The following CREB5 variants were observed in gnomAD, a reference collection of about 807,000 sequenced individuals.
CREB5 encodes the protein cyclic AMP-responsive element-binding protein 5.
CREB5 carries 19 observed loss-of-function variants against 57.1 expected under a neutral mutation model. The observed-to-expected ratio is 0.33, with a 90% CI of 0.23 to 0.49. The LOEUF (loss-of-function observed/expected upper bound fraction) is 0.49. CREB5 is among the 20% of genes least tolerant of loss of function. The pLI, the probability that CREB5 is intolerant of heterozygous loss-of-function variation, is 0.99. For missense variants in CREB5, 579 were observed against 671.6 expected (o/e 0.86, Z 1.52); for synonymous variants, 238 against 238.3 (o/e 1.00, Z 0.01).
upstream of CREB5, among the ~76,000 whole-genome samples, chr7:28,412,186 G>A (rs1248369838): frequency 1.3e-5 from 2 of 152,176 alleles, no homozygotes; most frequent in East Asian, 1.9e-4. Context: ...AGAATAATAA[G>A]CTCTATTAAC....
rs1554281277 is a variant in CREB5 at position 28,657,738 on chromosome 7, A to AAAAAAT, written c.465-61015_465-61014insAAAAAT. ...TCTCGAAAAAAAAAAAAAAAAAAAA[A>AAAAAAT]GAATAAAATTGCTCCAAAGCACTAT... On this transcript the variant is annotated intron_variant, in intron 5 of 10. Coordinates refer to ENST00000357727, the MANE Select transcript of CREB5 (RefSeq NM_182898.4). Among the ~76,000 whole-genome samples the AAAAAAT allele has an allele frequency of 1.0e-4, 14 of 139,884 alleles. 2 individuals are homozygous for AAAAAAT. The highest frequency in any genetic ancestry group is 1.6e-4 in the Non-Finnish European group (10 of 64,096). 91.8% of individuals were successfully genotyped at this position (139,884 alleles called of 152,430 possible).
intron 4 of CREB5, among the ~76,000 whole-genome samples, chr7:28,520,486 G>A (rs1198215181): frequency 2.0e-5 from 3 of 152,202 alleles, no homozygotes; most frequent in Non-Finnish European, 4.4e-5. Context: ...GCAACTCCCT[G>A]GCAGAGGTAA....
chr7:28,435,309 A>G (rs1376434291), intron 1 of CREB5, among the ~76,000 whole-genome samples: 1 of 150,590 alleles, frequency 6.6e-6, no homozygotes, highest in Non-Finnish European at 1.5e-5. Context: ...ATTCAGTGTC[A>G]TTTGGCAAGG....
At chr7:28,708,413 C>T (rs747856904) in intron 5 of CREB5, among the ~76,000 whole-genome samples, 2 of 152,042 alleles carry the variant, frequency 1.3e-5, no homozygotes, top group South Asian at 4.2e-4. Context: ...ATAATCCCAG[C>T]GAGTGGCTGG....
intron 5 of CREB5, among the ~76,000 whole-genome samples, chr7:28,610,749 G>A (rs982973860): frequency 6.6e-6 from 1 of 152,170 alleles, no homozygotes; most frequent in African/African-American, 2.4e-5. Context: ...ACAGTTCTGG[G>A]CCTGGAAGGT....
At chr7:28,557,159 C>T (rs1197970578) in intron 4 of CREB5, among the ~76,000 whole-genome samples, 2 of 129,714 alleles carry the variant, frequency 1.5e-5, no homozygotes, top group African/African-American at 2.7e-5. Context: ...CTACTGGGAT[C>T]CCAGATGTTA....
intron 1 of CREB5, among the ~76,000 whole-genome samples, chr7:28,428,626 C>T (rs1043630051): frequency 7.9e-5 from 12 of 152,238 alleles, no homozygotes; most frequent in Non-Finnish European, 1.2e-4. Flanking sequence ...ATGGGGAAGA[C>T]GGCAGGTAGA....
intron 1 of CREB5, among the ~76,000 whole-genome samples, chr7:28,421,276 G>A (rs916946150): frequency 6.6e-6 from 1 of 152,112 alleles, no homozygotes; most frequent in East Asian, 1.9e-4. Flanking sequence ...ACTTCACCTA[G>A]GATAATGGCC....
intron 4 of CREB5, among the ~76,000 whole-genome samples, chr7:28,559,878 C>G (rs1021661638): frequency 1.3e-5 from 2 of 152,186 alleles, no homozygotes; most frequent in Non-Finnish European, 2.9e-5. Flanking sequence ...GTAGTAATAA[C>G]AATCGCACAT....
At chr7:28,775,600 T>C (rs1373200082) in intron 7 of CREB5, among the ~76,000 whole-genome samples, 1 of 147,902 alleles carries the variant, frequency 6.8e-6, no homozygotes, top group Admixed American at 6.9e-5. Flanking sequence ...ATAAATGGAT[T>C]TTTGTTTTGT....
At chr7:28,712,524 T>TTTATTATTATTATTATTATTATTATTA (rs752228734) in intron 5 of CREB5, among the ~76,000 whole-genome samples, 18,513 of 134,842 alleles carry the variant, frequency 0.14, 1,512 homozygotes, top group South Asian at 0.21. Context: ...AAAAAGAGAA[T>TTTATTATTATTATTATTATTATTATTA]TTATTATTAT....
chr7:28,318,191 C>G (rs1785415820), intron 1 of CREB5, among the ~76,000 whole-genome samples: 1 of 152,168 alleles, frequency 6.6e-6, no homozygotes, highest in Non-Finnish European at 1.5e-5. Flanking sequence ...GCCTATGTTT[C>G]TTCTACAAAT....
chr7:28,631,388 C>T (rs1026113615), intron 5 of CREB5, among the ~76,000 whole-genome samples: 1 of 152,190 alleles, frequency 6.6e-6, no homozygotes, highest in African/African-American at 2.4e-5. Context: ...GAGAAAGGCA[C>T]TCAATCCTTT....
intron 2 of CREB5, among the ~76,000 whole-genome samples, chr7:28,493,695 A>C (rs1017895333): frequency 2.0e-5 from 3 of 152,190 alleles, no homozygotes; most frequent in Non-Finnish European, 2.9e-5. Flanking sequence ...GCTTCATGCA[A>C]CCACAAGAGA....
intron 1 of CREB5, among the ~76,000 whole-genome samples, chr7:28,346,908 T>G (rs546399635): frequency 6.6e-6 from 1 of 152,168 alleles, no homozygotes; most frequent in African/African-American, 2.4e-5. Context: ...CTTTGATCAG[T>G]ATAAAAGGGA....
rs151116030 is a variant in CREB5, at chr7:28,431,892, G to A, written c.3+18975G>A. ...TCTGGGTTGGGGGCCTGGGTCACTG[G>A]AGGTATGGTGAGCAGATAGCTGTTT... On this transcript the variant is annotated intron_variant, in intron 1 of 10. Coordinates refer to ENST00000357727, the MANE Select transcript of CREB5 (RefSeq NM_182898.4). Among the ~76,000 whole-genome samples the A allele has an allele frequency of 1.9e-4, 29 of 152,244 alleles. No homozygotes were observed. In the East Asian group the frequency reaches 5.6e-3, roughly 29 times the overall value.
chr7:28,530,738 T>G (rs1216090641), intron 4 of CREB5, among the ~76,000 whole-genome samples: 1 of 152,148 alleles, frequency 6.6e-6, no homozygotes, highest in Non-Finnish European at 1.5e-5. Context: ...ATGGCCCAAG[T>G]AGAAGCGCAA....
chr7:28,674,099 G>A (rs987235853), intron 5 of CREB5, among the ~76,000 whole-genome samples: 9 of 151,402 alleles, frequency 5.9e-5, no homozygotes, highest in African/African-American at 2.2e-4. Context: ...AAAAGCTTTT[G>A]GACTCACGCA....
At chr7:28,566,528 T>C (rs1795487051) in intron 4 of CREB5, among the ~76,000 whole-genome samples, 1 of 152,216 alleles carries the variant, frequency 6.6e-6, no homozygotes, top group Non-Finnish European at 1.5e-5. Flanking sequence ...ACTCTTTGTG[T>C]TTTTGAAATT....
Sources: gnomAD v4.1 joint callset for allele counts (sites outside exome capture counted in the v4.1 genomes callset) on GRCh38, gnomAD v4.1.1 for gene constraint, MANE v1.5 for transcripts, NCBI Gene and HGNC (gene_info 2026-07-23, HGNC 2026-07-21) for gene names.